Variants in STXBP5 observed in about 807,000 individuals in gnomAD.
The protein encoded by STXBP5 is syntaxin binding protein 5.
In STXBP5, 50 loss-of-function variants were observed where a neutral mutation model predicts 152.4. The observed-to-expected ratio is 0.33, with a 90% CI of 0.26 to 0.42. STXBP5 has a LOEUF of 0.42. Ranked by LOEUF, STXBP5 falls within the 10% of genes least tolerant of loss-of-function variation. STXBP5 has a pLI of 1.00. For missense variants in STXBP5, 1,167 were observed against 1,388.6 expected, an observed-to-expected ratio of 0.84 and a Z score of 2.54; for synonymous variants, 492 against 494.7, an observed-to-expected ratio of 0.99 and a Z score of 0.07.
At chr6:147,358,049 G>A (rs2128410778) in intron 22 of STXBP5, among the ~76,000 whole-genome samples, 1 of 152,282 alleles carries the variant, frequency 6.6e-6, no homozygotes, top group South Asian at 2.1e-4. Context: ...AGACAGAGCT[G>A]GGTAAAGGAA....
chr6:147,303,369 A>C (rs1417082861), intron 9 of STXBP5, among the ~76,000 whole-genome samples: 1 of 152,154 alleles, frequency 6.6e-6, no homozygotes, highest in Admixed American at 6.5e-5. Context: ...TGTCATGTGA[A>C]GAAGGACATA....
intron 3 of STXBP5, 58 bp downstream of exon 3, chr6:147,235,389 T>G: frequency 7.3e-7 from 1 of 1,378,258 alleles, no homozygotes; most frequent in Non-Finnish European, 1.0e-6. Flanking sequence ...ACTTCTAGTC[T>G]TTCAGATTTC....
At chr6:147,263,345 T>TC (rs1779733567) in intron 6 of STXBP5, among the ~76,000 whole-genome samples, 1 of 130,500 alleles carries the variant, frequency 7.7e-6, no homozygotes, top group African/African-American at 3.2e-5. Flanking sequence ...TTTCTTTCTT[T>TC]TTTTTTTTTT....
At chr6:147,275,192 C>T (rs1780376687) in intron 7 of STXBP5, among the ~76,000 whole-genome samples, 1 of 152,008 alleles carries the variant, frequency 6.6e-6, no homozygotes, top group Admixed American at 6.5e-5. Flanking sequence ...GTAGGCAGTG[C>T]TTTTTGTTTT....
chr6:147,316,119 A>G (rs938855876), intron 15 of STXBP5, 110 bp from the exon 16 acceptor site: 1 of 1,102,314 alleles, frequency 9.1e-7, no homozygotes, highest in Non-Finnish European at 1.3e-6. Flanking sequence ...ACCTTTAAAA[A>G]TCTTCTTGCC....
intron 9 of STXBP5, among the ~76,000 whole-genome samples, chr6:147,299,491 C>G (rs1781696729): frequency 6.6e-6 from 1 of 151,884 alleles, no homozygotes. Flanking sequence ...GGAATTCTTC[C>G]AGACTCATTA....
chr6:147,258,635 G>A (rs577877), intron 4 of STXBP5, among the ~76,000 whole-genome samples: 65,265 of 151,738 alleles, frequency 0.43, 14,310 homozygotes, highest in East Asian at 0.71. Context: ...GGGTTTCACC[G>A]TGTTAGCCAG....
Position 147,386,497 on chromosome 6 carries a change from G to C in STXBP5, c.*1742G>C, listed in dbSNP as rs538795833. The C allele has an allele frequency of 6.6e-6, 1 of 151,224 alleles. No individual in the cohort carries two copies. Among genetic ancestry groups the C allele is most frequent in the Non-Finnish European group, 1.5e-5 (1 of 67,696 alleles). The allele number at this position is 151,224 out of a possible 1,614,324, so 9.4% of individuals were successfully genotyped here. On this transcript the variant is annotated 3_prime_UTR_variant, in exon 28 of 28. Coordinates refer to ENST00000321680, the MANE Select transcript of STXBP5 (RefSeq NM_001127715.4). ...TCAAAGTTTACTTTAAATATCATTTGGTAGGGACTAAATGTGTGTGATAGA... is the reference window on the plus strand; with the variant it reads ...TCAAAGTTTACTTTAAATATCATTTCGTAGGGACTAAATGTGTGTGATAGA...
intron 3 of STXBP5, among the ~76,000 whole-genome samples, chr6:147,237,897 T>G (rs1270931407): frequency 1.3e-5 from 2 of 152,338 alleles, no homozygotes; most frequent in South Asian, 4.1e-4. Flanking sequence ...GCATGTTACA[T>G]CTCTTGTCTT....
chr6:147,306,841 T>C (rs1183067649), intron 9 of STXBP5, among the ~76,000 whole-genome samples: 1 of 152,330 alleles, frequency 6.6e-6, no homozygotes, highest in Admixed American at 6.5e-5. Flanking sequence ...TGTCTCACTA[T>C]CGCTCCTGTG....
At chr6:147,348,958 T>C (rs1784460993) in intron 21 of STXBP5, among the ~76,000 whole-genome samples, 2 of 152,096 alleles carry the variant, frequency 1.3e-5, no homozygotes, top group Admixed American at 6.5e-5. Flanking sequence ...TATGCAAAAA[T>C]GTTGCTTCTG....
chr6:147,376,513 T>C (rs1222927916), intron 26 of STXBP5, among the ~76,000 whole-genome samples: 1 of 151,984 alleles, frequency 6.6e-6, no homozygotes, highest in African/African-American at 2.4e-5. Context: ...ACAAAAATGG[T>C]TAGACTGAAT....
intron 7 of STXBP5, among the ~76,000 whole-genome samples, chr6:147,277,656 C>T (rs1285832538): frequency 6.6e-6 from 1 of 152,106 alleles, no homozygotes; most frequent in Non-Finnish European, 1.5e-5. Flanking sequence ...TCCAAATCTA[C>T]ATTTTGGCTC....
At position 147,389,489 on chromosome 6, in the gene STXBP5, CTTTA is replaced by C. The variant is rs1192543900; in HGVS notation, c.*4738_*4741del. On this transcript the variant is annotated 3_prime_UTR_variant, in exon 28 of 28. Transcript: ENST00000321680. ...GTCCAGGGCTACATGTAAGTGGTCT[CTTTA>C]TTTTATTCTTTACATCAGAAAAATC... 1.3e-5 allele frequency: 2 copies of C among 151,770 alleles called. No individual in the cohort carries two copies. The highest frequency in any genetic ancestry group is 4.8e-5 in the African/African-American group (2 of 41,402). 9.4% of individuals were successfully genotyped at this position (151,770 alleles called of 1,614,324 possible). A position where few individuals can be genotyped will look rare whatever the true frequency, so the allele number is the denominator to read the frequency against.
At chr6:147,275,651 G>A (rs1429903977) in intron 7 of STXBP5, among the ~76,000 whole-genome samples, 7 of 139,316 alleles carry the variant, frequency 5.0e-5, no homozygotes, top group Non-Finnish European at 7.6e-5. Flanking sequence ...TCCACCTCCC[G>A]GGTTCACGCC....
chr6:147,365,018 G>A (rs1308669461), intron 25 of STXBP5, among the ~76,000 whole-genome samples: 3 of 152,132 alleles, frequency 2.0e-5, no homozygotes, highest in African/African-American at 7.2e-5. Context: ...TTTAAAATTA[G>A]CATAGAAGTG....
intron 9 of STXBP5, among the ~76,000 whole-genome samples, chr6:147,303,015 A>G (rs1384264856): frequency 6.6e-6 from 1 of 152,184 alleles, no homozygotes; most frequent in African/African-American, 2.4e-5. Flanking sequence ...ATTTTGAAGG[A>G]AAGAGGTTTT....
intron 6 of STXBP5, among the ~76,000 whole-genome samples, chr6:147,263,095 C>A (rs1410121579): frequency 6.6e-6 from 1 of 151,824 alleles, no homozygotes; most frequent in Non-Finnish European, 1.5e-5. Flanking sequence ...CCAGGGTTTT[C>A]ATTTCCTCAA....
intron 4 of STXBP5, among the ~76,000 whole-genome samples, chr6:147,250,969 C>CAAAA (rs887963991): frequency 1.5e-3 from 77 of 52,656 alleles, no homozygotes; most frequent in East Asian, 5.5e-3. Context: ...ACCTTGTCTC[C>CAAAA]AAAAAAAAAA....
Sources: allele counts gnomAD v4.1 joint callset (sites outside exome capture counted in the v4.1 genomes callset), GRCh38; gene constraint gnomAD v4.1.1; transcripts MANE v1.5; gene names NCBI Gene and HGNC (gene_info 2026-07-23, HGNC 2026-07-21).